ZFP92: variants seen among roughly 807,000 people sequenced by gnomAD.
The protein encoded by ZFP92 is zinc finger protein 92 homolog.
Under a neutral mutation model 7.6 loss-of-function variants are expected in ZFP92, and 2 were observed. The ratio of observed to expected loss-of-function variants is 0.26; its 90% CI spans 0.11 to 0.83. The LOEUF (loss-of-function observed/expected upper bound fraction) is 0.83. ZFP92 is among the 40% of genes least tolerant of loss of function. ZFP92 has a pLI of 0.65. For missense variants in ZFP92, 324 were observed against 408.3 expected (o/e 0.79, Z 1.78); for synonymous variants, 226 against 183.6 (o/e 1.23, Z -1.87).
In ZFP92 at chrX:153,421,217, C is replaced by T. The variant is rs1415453648; in HGVS notation, c.840C>T (p.Ile280=). Residue 280 remains isoleucine, a synonymous_variant, in exon 6 of 6, where the codon ATC becomes ATT. Coordinates refer to ENST00000338647, the MANE Select transcript of ZFP92 (RefSeq NM_001136273.2). The part of the protein sequence containing the change: ...GKAFSRSSNL[I]EHQRTHRGEK... ...CCTTCAGCCGCAGCTCCAACCTCAT[C>T]GAGCACCAGCGCACGCACCGCGGCG... 4 of 1,183,819 alleles carry T rather than the reference C, an allele frequency of 3.4e-6. No individual in the cohort carries two copies. Among genetic ancestry groups the T allele is most frequent in the East Asian group, 6.2e-5 (2 of 32,142 alleles).
Position 153,418,360 on chromosome X carries a change from G to T in ZFP92, c.33+5G>T. ...CTCCTGACCACGAGACCCAAGGTGA[G>T]TGGTGGCCCCTCTCCCTGGCCTCTC... On this transcript the variant is annotated splice_donor_5th_base_variant and intron_variant, in intron 3 of 5. Transcript: ENST00000338647. 2 of 1,167,340 alleles carry T rather than the reference G, an allele frequency of 1.7e-6. No individual in the cohort carries two copies. Among genetic ancestry groups the T allele is most frequent in the South Asian group, 1.9e-5 (1 of 52,654 alleles).
chrX:153,420,896 C>T lies in ZFP92; in HGVS notation c.519C>T (p.Ile173=). 2 of 1,188,987 alleles carry T rather than the reference C, an allele frequency of 1.7e-6. No individual in the cohort carries two copies. Among genetic ancestry groups the T allele is most frequent in the Non-Finnish European group, 2.3e-6 (2 of 884,074 alleles). Residue 173 remains isoleucine (I), a synonymous_variant, in exon 6 of 6, where the codon ATC becomes ATT. Coordinates refer to ENST00000338647, the MANE Select transcript of ZFP92 (RefSeq NM_001136273.2). The part of the protein sequence containing the change: ...RSSNLIKHRI[I]HSGEKPYACP... ...CCAACCTCATCAAGCACCGCATCAT[C>T]CACAGTGGCGAGAAGCCTTACGCGT...
rs1556975248 is a variant in ZFP92 at position 153,421,531 on chromosome X, C to T, written c.1154C>T (p.Ala385Val). 4.4e-6 allele frequency: 5 copies of T among 1,128,116 alleles called. No homozygotes were observed. The highest frequency in any genetic ancestry group is 4.0e-5 in the South Asian group (2 of 50,097). The allele number at this position is 1,128,116 out of a possible 1,213,427, so 93.0% of individuals were successfully genotyped here. Residue 385 changes from alanine (A) to valine (V), a missense_variant, in exon 6 of 6, where the codon GCG (alanine) becomes GTG (valine). Physicochemically the swap from Ala to Val is moderately conservative, Grantham distance 64. Transcript: ENST00000338647. The part of the protein sequence containing the change: ...PAKAETARRL[A>V]GPGSTGPGSA... ...AAGGCGGAGACGGCGCGGAGGCTAGCGGGCCCTGGGAGCACCGGCCCTGGG... is the reference window on the plus strand; with the variant it reads ...AAGGCGGAGACGGCGCGGAGGCTAGTGGGCCCTGGGAGCACCGGCCCTGGG...
At chrX:153,419,934 C>T (rs1203835306) in intron 4 of ZFP92, among the ~76,000 whole-genome samples, 1 of 111,980 alleles carries the variant, frequency 8.9e-6, no homozygotes, top group Non-Finnish European at 1.9e-5. Flanking sequence ...TGCCCACACA[C>T]ATCCCCGATT....
rs3987736 is a variant in ZFP92, at chrX:153,423,393, TACAC to T, written c.*1802_*1805del. The T allele has an allele frequency of 0.22, 20,976 of 93,761 alleles. 2,253 individuals carry two copies. The highest frequency in any genetic ancestry group is 0.32 in the Middle Eastern group (59 of 182). 7.7% of individuals were successfully genotyped at this position (93,761 alleles called of 1,213,427 possible). A position where few individuals can be genotyped will look rare whatever the true frequency, so the allele number is the denominator to read the frequency against. The stretch of plus-strand genomic sequence containing the variant: ...TAGGACAACTCCAGAAATAATGTTA[TACAC>T]ACACACACACACACACACACACACA... On this transcript the variant is annotated 3_prime_UTR_variant, in exon 6 of 6. Coordinates refer to ENST00000338647, the MANE Select transcript of ZFP92 (RefSeq NM_001136273.2).
At chrX:153,418,067 G>C (rs781835566) in intron 2 of ZFP92, among the ~76,000 whole-genome samples, 77 of 112,256 alleles carry the variant, frequency 6.9e-4, no homozygotes, top group African/African-American at 2.5e-3. Context: ...AGAACCGGGA[G>C]AGAAAAATGT....
At position 153,419,307 on chromosome X, in the gene ZFP92, G is replaced by A. The variant is rs139380724; in HGVS notation, c.160+508G>A. Among the ~76,000 whole-genome samples, 396 of 112,681 alleles carry A rather than the reference G, an allele frequency of 3.5e-3. 2 individuals carry two copies. The highest frequency in any genetic ancestry group is 0.012 in the African/African-American group (386 of 31,019). ...CCGGGAGGAGCTGGGGCAGCTTGGA[G>A]CACACTGCTCTCCCCCTTCCATGCC... On this transcript the variant is annotated intron_variant, in intron 4 of 5. Coordinates refer to ENST00000338647, the MANE Select transcript of ZFP92 (RefSeq NM_001136273.2).
chrX:153,412,117 C>T (rs1182490069), intron 2 of ZFP92, among the ~76,000 whole-genome samples, 104 bp downstream of exon 2: 2 of 112,837 alleles, frequency 1.8e-5, no homozygotes, highest in African/African-American at 6.4e-5. Flanking sequence ...GTCTCCAGAT[C>T]GGGGCAGGAT....
intron 2 of ZFP92, among the ~76,000 whole-genome samples, chrX:153,416,702 C>G (rs1458430926): frequency 8.9e-6 from 1 of 112,023 alleles, no homozygotes; most frequent in African/African-American, 3.2e-5. Flanking sequence ...TTTTACCCCC[C>G]TGTCCTAGTC....
rs1218174512 is a variant in ZFP92 at position 153,423,214 on chromosome X, G to A, written c.*1586G>A. 1 of 110,880 alleles carries A rather than the reference G, an allele frequency of 9.0e-6. No individual in the cohort carries two copies. Among genetic ancestry groups the A allele is most frequent in the Non-Finnish European group, 1.9e-5 (1 of 52,802 alleles). 9.1% of individuals were successfully genotyped at this position (110,880 alleles called of 1,213,427 possible). On this transcript the variant is annotated 3_prime_UTR_variant, in exon 6 of 6. Transcript: ENST00000338647. Reference sequence around the variant, plus strand: ...TCCAGCCCTGTCCCCTCCCAGGGGAGAGGGGGTTTTTCATCCACAAGGCCT... The same window carrying A: ...TCCAGCCCTGTCCCCTCCCAGGGGAAAGGGGGTTTTTCATCCACAAGGCCT...
In ZFP92 at chrX:153,422,759, T is replaced by A. The variant is rs2089014835; in HGVS notation, c.*1131T>A. 1 of 112,769 alleles carries A rather than the reference T, an allele frequency of 8.9e-6. No individual in the cohort carries two copies. The highest frequency in any genetic ancestry group is 3.2e-5 in the African/African-American group (1 of 31,016). 9.3% of individuals were successfully genotyped at this position (112,769 alleles called of 1,213,427 possible). On this transcript the variant is annotated 3_prime_UTR_variant, in exon 6 of 6. Transcript: ENST00000338647. ...GTGACATTTTGTAGAATACTGGACG[T>A]TCCGTTGCTTTGATTGTTTTTGTAT...
intron 5 of ZFP92, 23 bp from the exon 6 acceptor site, chrX:153,420,620 T>C: frequency 9.1e-7 from 1 of 1,103,707 alleles, no homozygotes; most frequent in Non-Finnish European, 1.2e-6. Flanking sequence ...AGGGTGACAC[T>C]GCCTGGTGCT....
chrX:153,413,965 T>TGGGG (rs1288525202), intron 2 of ZFP92, among the ~76,000 whole-genome samples: 9 of 112,456 alleles, frequency 8.0e-5, no homozygotes, highest in African/African-American at 2.3e-4. Context: ...CTCCCGCCGA[T>TGGGG]GGGGTGTTCA....
intron 2 of ZFP92, among the ~76,000 whole-genome samples, 187 bp from the exon 3 acceptor site, chrX:153,418,118 C>A (rs897470243): frequency 8.9e-6 from 1 of 112,062 alleles, no homozygotes; most frequent in Admixed American, 9.4e-5. Flanking sequence ...TTATTATGGC[C>A]GCCCCAGGAA....
chrX:153,421,482 G>A lies in ZFP92; in HGVS notation c.1105G>A (p.Val369Met). Residue 369 changes from valine (V) to methionine (M), a missense_variant, in exon 6 of 6, where the codon GTG (valine) becomes ATG (methionine). By Grantham distance (21) the Val-to-Met change is conservative. Transcript: ENST00000338647. ...CGCCAACCTATTCAAGCACCAGGCA[G>A]TGCACGGCGCCAGGCGCCCTGCGAA... ...RRANLFKHQA[V>M]HGARRPAKAE... 1 of 1,147,842 alleles carries A rather than the reference G, an allele frequency of 8.7e-7. No homozygotes were observed. Among genetic ancestry groups the A allele is most frequent in the Non-Finnish European group, 1.2e-6 (1 of 868,839 alleles). The allele number at this position is 1,147,842 out of a possible 1,213,427, so 94.6% of individuals were successfully genotyped here. A position where few individuals can be genotyped will look rare whatever the true frequency, so the allele number is the denominator to read the frequency against.
chrX:153,421,685 C>T lies in ZFP92; in HGVS notation c.*57C>T, dbSNP rs373803314. The T allele has an allele frequency of 2.9e-5, 27 of 921,942 alleles. No individual in the cohort carries two copies. The African/African-American group carries it at 3.4e-4, about 12-fold the overall frequency. The allele number at this position is 921,942 out of a possible 1,213,427, so 76.0% of individuals were successfully genotyped here. A position where few individuals can be genotyped will look rare whatever the true frequency, so the allele number is the denominator to read the frequency against. On this transcript the variant is annotated 3_prime_UTR_variant, in exon 6 of 6. Coordinates refer to ENST00000338647, the MANE Select transcript of ZFP92 (RefSeq NM_001136273.2). Reference sequence around the variant, plus strand: ...TCTGCGTGGGGGGCCTTCCTGGGGACGTCGAGGCTCAGCCCCCTTCAGGTG... The same window carrying T: ...TCTGCGTGGGGGGCCTTCCTGGGGATGTCGAGGCTCAGCCCCCTTCAGGTG...
rs1401513733 is a variant in ZFP92, at chrX:153,424,383, CAGTT to C, written c.*2758_*2761del. On this transcript the variant is annotated 3_prime_UTR_variant, in exon 6 of 6. Coordinates refer to ENST00000338647, the MANE Select transcript of ZFP92 (RefSeq NM_001136273.2). ...TGCTATCATTTTCTTTTGGGTGTGG[CAGTT>C]AGGTATGCCACGTGAGCTGAACGGG... is the stretch of plus-strand genomic sequence containing the variant. 2.7e-5 allele frequency: 3 copies of C among 112,340 alleles called. No individual in the cohort carries two copies. The highest frequency in any genetic ancestry group is 5.6e-5 in the Non-Finnish European group (3 of 53,215). The allele number at this position is 112,340 out of a possible 1,213,427, so 9.3% of individuals were successfully genotyped here.
intron 2 of ZFP92, among the ~76,000 whole-genome samples, chrX:153,412,548 TTAGAATAACTTATTC>T (rs1470481123): frequency 8.9e-6 from 1 of 112,277 alleles, no homozygotes; most frequent in Non-Finnish European, 1.9e-5. Context: ...GTTTAGGTGG[TTAGAATAACTTATTC>T]TAGAATAAGT....
chrX:153,420,120 A>G (rs2088985952), intron 4 of ZFP92, 108 bp from the exon 5 acceptor site: 6 of 599,503 alleles, frequency 1.0e-5, no homozygotes, highest in Middle Eastern at 3.5e-4. Flanking sequence ...TGCTTTTTAG[A>G]GAGTTCTTTA....
Sources: gnomAD v4.1 joint callset for allele counts (sites outside exome capture counted in the v4.1 genomes callset) on GRCh38, gnomAD v4.1.1 for gene constraint, MANE v1.5 for transcripts, NCBI Gene and HGNC (gene_info 2026-07-23, HGNC 2026-07-21) for gene names.